PRKN: variants seen among roughly 807,000 people sequenced by gnomAD.
PRKN encodes parkin RBR E3 ubiquitin protein ligase.
A neutral mutation model predicts 59.5 loss-of-function variants in PRKN; 56 were observed. That is an observed-to-expected ratio of 0.94 (90% confidence interval 0.76 to 1.18). PRKN has a LOEUF of 1.18. PRKN is among the 50% of genes most tolerant of loss of function. The pLI is 0.00. For synonymous variants in PRKN, 250 were observed against 222.1 expected (o/e 1.13, Z -1.12); for missense variants, 657 against 596.4 (o/e 1.10, Z -1.06).
intron 1 of PRKN, among the ~76,000 whole-genome samples, chr6:162,516,535 T>C (rs1777867929): frequency 6.6e-6 from 1 of 152,106 alleles, no homozygotes; most frequent in Non-Finnish European, 1.5e-5. Context: ...GCGGATCACT[T>C]GAGGTCAGGA....
rs527766586 is a variant in PRKN at position 161,803,016 on chromosome 6, T to C, written c.735-17108A>G. Among the ~76,000 whole-genome samples the C allele has an allele frequency of 1.9e-4, 29 of 152,160 alleles. No individual in the cohort carries two copies. The East Asian group carries it at 5.0e-3, about 26-fold the overall frequency. ...CCCTTTTATACCTGGAAACAGGAGA[T>C]GAAAACTCCCATGTGAAAGACACCC... On this transcript the variant is annotated intron_variant, in intron 6 of 11. Coordinates refer to ENST00000366898, the MANE Select transcript of PRKN (RefSeq NM_004562.3).
chr6:161,995,170 C>T (rs964043474), intron 5 of PRKN, among the ~76,000 whole-genome samples: 3 of 152,076 alleles, frequency 2.0e-5, no homozygotes, highest in Admixed American at 2.0e-4. Context: ...ACAAAGGTAA[C>T]AATGACAAAC....
intron 1 of PRKN, among the ~76,000 whole-genome samples, chr6:162,702,118 A>T (rs1778180239): frequency 6.6e-6 from 1 of 152,128 alleles, no homozygotes; most frequent in South Asian, 2.1e-4. Context: ...GTTCTACAAG[A>T]TTAAATTAGG....
intron 1 of PRKN, among the ~76,000 whole-genome samples, chr6:162,700,938 T>C (rs568214320): frequency 3.9e-5 from 6 of 152,184 alleles, no homozygotes; most frequent in African/African-American, 1.2e-4. Flanking sequence ...TGACATACTT[T>C]GCTATTAATT....
intron 2 of PRKN, among the ~76,000 whole-genome samples, chr6:162,363,883 G>C (rs1323646274): frequency 1.3e-5 from 2 of 152,072 alleles, no homozygotes; most frequent in African/African-American, 4.8e-5. Context: ...AAAGAGATAA[G>C]GCAAGGTCTT....
chr6:161,805,452 G>GCACACACA (rs1554310490), intron 6 of PRKN, among the ~76,000 whole-genome samples: 2,007 of 39,110 alleles, frequency 0.051, 36 homozygotes, highest in African/African-American at 0.076. Flanking sequence ...GTACACACAT[G>GCACACACA]CACACACACA....
intron 1 of PRKN, among the ~76,000 whole-genome samples, chr6:162,455,396 T>C (rs1790822579): frequency 6.6e-6 from 1 of 152,220 alleles, no homozygotes; most frequent in African/African-American, 2.4e-5. Flanking sequence ...CTAGATTATA[T>C]AGCCTATTAC....
rs556098643 is a variant in PRKN, at chr6:162,356,931, T to C, written c.171+86379A>G. Among the ~76,000 whole-genome samples the C allele has an allele frequency of 2.8e-4, 43 of 151,988 alleles. 1 individual carries two copies. In the South Asian group the frequency reaches 8.9e-3, roughly 32 times the overall value. ...CAAATAGCCATCCACATGCAAAAAA[T>C]AGAATAAATCATTACAGTTTACATC... On this transcript the variant is annotated intron_variant, in intron 2 of 11. Transcript: ENST00000366898.
At chr6:161,381,731 A>G (rs1481000530) in intron 10 of PRKN, among the ~76,000 whole-genome samples, 1 of 152,120 alleles carries the variant, frequency 6.6e-6, no homozygotes, top group Non-Finnish European at 1.5e-5. Context: ...TTTGTCATTC[A>G]TTCAACAAAC....
At chr6:162,247,089 T>C (rs1779230122) in intron 3 of PRKN, among the ~76,000 whole-genome samples, 2 of 152,180 alleles carry the variant, frequency 1.3e-5, no homozygotes, top group Admixed American at 1.3e-4. Flanking sequence ...CCTGTAGCTC[T>C]AAAAATTGTA....
intron 1 of PRKN, among the ~76,000 whole-genome samples, chr6:162,566,439 A>T (rs1780082537): frequency 6.6e-6 from 1 of 152,154 alleles, no homozygotes; most frequent in Non-Finnish European, 1.5e-5. Context: ...ACCATAAATG[A>T]AAAACGAAAC....
chr6:161,902,375 G>C (rs939584242), intron 6 of PRKN, among the ~76,000 whole-genome samples: 2 of 152,064 alleles, frequency 1.3e-5, no homozygotes, highest in Non-Finnish European at 2.9e-5. Context: ...CAAACTGTGT[G>C]TTGTGATTCA....
intron 1 of PRKN, among the ~76,000 whole-genome samples, chr6:162,638,030 T>C (rs2803112): frequency 0.64 from 93,200 of 144,888 alleles, 29,308 homozygotes; most frequent in African/African-American, 0.75. Context: ...CATTCTCAGA[T>C]TCCTTTATAT....
At chr6:162,116,157 T>A (rs1780663589) in intron 4 of PRKN, among the ~76,000 whole-genome samples, 1 of 152,182 alleles carries the variant, frequency 6.6e-6, no homozygotes, top group Non-Finnish European at 1.5e-5. Flanking sequence ...TTAAGAATAA[T>A]CACCAAATAT....
chr6:162,531,471 G>T (rs1338952691), intron 1 of PRKN, among the ~76,000 whole-genome samples: 1 of 152,084 alleles, frequency 6.6e-6, no homozygotes, highest in Non-Finnish European at 1.5e-5. Flanking sequence ...TAACTTGGTG[G>T]GTGGGGGGAA....
At chr6:162,199,215 T>C (rs1484104621) in intron 4 of PRKN, among the ~76,000 whole-genome samples, 2 of 129,006 alleles carry the variant, frequency 1.6e-5, no homozygotes, top group African/African-American at 2.9e-5. Flanking sequence ...TATCTGTGTG[T>C]TAAAAAAAAA....
rs1245917197 is a variant in PRKN at position 161,484,613 on chromosome 6, C to T, written c.1083+64241G>A. On this transcript the variant is annotated intron_variant, in intron 9 of 11. Coordinates refer to ENST00000366898, the MANE Select transcript of PRKN (RefSeq NM_004562.3). The surrounding 1 kb of genome is among the most constrained non-coding windows in gnomAD (Gnocchi z 4.9). ...GGGTACGGACGGCATCAGAACTAAA[C>T]GCAGGGAGTCTGACTCAGGGTGTTC... 2.0e-5 allele frequency among the ~76,000 whole-genome samples: 3 copies of T among 152,076 alleles called. No individual in the cohort carries two copies. The highest frequency in any genetic ancestry group is 2.1e-4 in the South Asian group (1 of 4,820).
chr6:161,821,629 A>AAAATAGTAC lies in PRKN; in HGVS notation c.735-35730_735-35722dup, dbSNP rs202207240. 5.8e-3 allele frequency among the ~76,000 whole-genome samples: 883 copies of AAAATAGTAC among 151,272 alleles called. 8 individuals carry two copies. Among genetic ancestry groups the AAAATAGTAC allele is most frequent in the Middle Eastern group, 0.027 (8 of 292 alleles). The stretch of plus-strand genomic sequence containing the variant: ...ATTATCCCTACCACTTTATATCCCC[A>AAAATAGTAC]AAATAGTACAGGAGAGAACTTACAT... On this transcript the variant is annotated intron_variant, in intron 6 of 11. Coordinates refer to ENST00000366898, the MANE Select transcript of PRKN (RefSeq NM_004562.3).
intron 6 of PRKN, among the ~76,000 whole-genome samples, chr6:161,862,838 G>C (rs1793961486): frequency 6.6e-6 from 1 of 152,188 alleles, no homozygotes; most frequent in Admixed American, 6.5e-5. Flanking sequence ...GTGGTCAGAA[G>C]TAAAAGCTAT....
Sources: gnomAD v4.1 joint callset for allele counts (sites outside exome capture counted in the v4.1 genomes callset) on GRCh38, gnomAD v4.1.1 for gene constraint, Gnocchi (gnomAD v3.1) non-coding constraint, MANE v1.5 for transcripts, NCBI Gene and HGNC (gene_info 2026-07-23, HGNC 2026-07-21) for gene names.